Variants in NALF1 observed in about 807,000 individuals in gnomAD.
NALF1 encodes NALCN channel auxiliary factor 1, also known as family with sequence similarity 155 member A.
A neutral mutation model predicts 48.4 loss-of-function variants in NALF1; 3 were observed. That is an observed-to-expected ratio of 0.06 (90% CI 0.03 to 0.16). The LOEUF is 0.16. Among genes scored for constraint, NALF1 ranks in the 10% least tolerant of loss-of-function variants. The probability of loss-of-function intolerance (pLI) is 1.00; values close to 1 mark genes in which losing one functional copy is unlikely to be tolerated. For synonymous variants in NALF1, 262 were observed against 245.7 expected (o/e 1.07, Z -0.62); for missense variants, 526 against 571.5 (o/e 0.92, Z 0.81).
chr13:107,770,595 C>T (rs2138569651), intron 1 of NALF1, among the ~76,000 whole-genome samples: 1 of 152,274 alleles, frequency 6.6e-6, no homozygotes, highest in African/African-American at 2.4e-5. Flanking sequence ...GTAATATGAA[C>T]TTTCTTATCC....
chr13:107,444,439 AC>A (rs1236845198), intron 1 of NALF1, among the ~76,000 whole-genome samples: 3 of 152,160 alleles, frequency 2.0e-5, no homozygotes, highest in Non-Finnish European at 4.4e-5. Context: ...GCAACTATGA[AC>A]TCAGCAAACC....
intron 1 of NALF1, among the ~76,000 whole-genome samples, chr13:107,676,277 CTT>C (rs1236737289): frequency 6.6e-6 from 1 of 152,180 alleles, no homozygotes; most frequent in Non-Finnish European, 1.5e-5. Context: ...GTCATATAGA[CTT>C]AGGTCCGGTG....
chr13:107,762,559 G>A (rs938143793), intron 1 of NALF1, among the ~76,000 whole-genome samples: 1 of 152,178 alleles, frequency 6.6e-6, no homozygotes, highest in Non-Finnish European at 1.5e-5. Flanking sequence ...AAGACATTGT[G>A]TATGGAGGTA....
At chr13:107,846,994 G>A (rs1306261263) in intron 1 of NALF1, among the ~76,000 whole-genome samples, 1 of 151,700 alleles carries the variant, frequency 6.6e-6, no homozygotes, top group East Asian at 1.9e-4. Flanking sequence ...GACTTCTAAA[G>A]CAATTATATA....
chr13:107,485,521 A>G (rs1024876146), intron 1 of NALF1, among the ~76,000 whole-genome samples: 1 of 152,114 alleles, frequency 6.6e-6, no homozygotes, highest in African/African-American at 2.4e-5. Flanking sequence ...TCCATTCCCC[A>G]CATCTCATTT....
At chr13:107,695,693 C>T (rs1394045826) in intron 1 of NALF1, among the ~76,000 whole-genome samples, 2 of 152,136 alleles carry the variant, frequency 1.3e-5, no homozygotes, top group Non-Finnish European at 2.9e-5. Flanking sequence ...TGAGAACTCT[C>T]TCTATTATAG....
intron 1 of NALF1, among the ~76,000 whole-genome samples, chr13:107,705,582 C>T (rs1350916329): frequency 1.3e-5 from 2 of 151,728 alleles, no homozygotes; most frequent in Non-Finnish European, 2.9e-5. Flanking sequence ...AAATAGAAAA[C>T]AATACCGATT....
At chr13:107,600,235 T>A (rs998753160) in intron 1 of NALF1, among the ~76,000 whole-genome samples, 2 of 152,196 alleles carry the variant, frequency 1.3e-5, no homozygotes, top group African/African-American at 4.8e-5. Flanking sequence ...TTCATTACGT[T>A]TATCTAGGTA....
intron 1 of NALF1, among the ~76,000 whole-genome samples, chr13:107,485,264 T>C (rs1344883185): frequency 6.6e-6 from 1 of 152,142 alleles, no homozygotes; most frequent in Non-Finnish European, 1.5e-5. Context: ...TTAGACTCTT[T>C]GGTGTCACTC....
chr13:107,349,373 T>C (rs953348423), intron 1 of NALF1, among the ~76,000 whole-genome samples: 1 of 152,034 alleles, frequency 6.6e-6, no homozygotes, highest in Non-Finnish European at 1.5e-5. Context: ...CATCAAAGGG[T>C]CCTCAGTTCC....
At chr13:107,796,047 A>G (rs1878415687) in intron 1 of NALF1, among the ~76,000 whole-genome samples, 1 of 152,196 alleles carries the variant, frequency 6.6e-6, no homozygotes, top group Non-Finnish European at 1.5e-5. Flanking sequence ...ACGATTTTTT[A>G]AAGAAATCAA....
At chr13:107,467,128 T>C (rs1263254273) in intron 1 of NALF1, among the ~76,000 whole-genome samples, 2 of 152,204 alleles carry the variant, frequency 1.3e-5, no homozygotes, top group African/African-American at 4.8e-5. Context: ...TTCAACATAT[T>C]CTTGAAATGT....
intron 1 of NALF1, among the ~76,000 whole-genome samples, chr13:107,469,422 T>C (rs1182197835): frequency 1.3e-5 from 2 of 152,152 alleles, no homozygotes; most frequent in East Asian, 3.9e-4. Context: ...GTGTCCACCA[T>C]GTGGTTGTAA....
At chr13:107,671,032 T>A (rs1880978578) in intron 1 of NALF1, among the ~76,000 whole-genome samples, 2 of 152,156 alleles carry the variant, frequency 1.3e-5, no homozygotes, top group South Asian at 4.1e-4. Flanking sequence ...CTCTCAGATG[T>A]GCAACTTCCT....
At chr13:107,694,197 A>AT (rs1240348365) in intron 1 of NALF1, among the ~76,000 whole-genome samples, 2 of 152,238 alleles carry the variant, frequency 1.3e-5, no homozygotes, top group African/African-American at 4.8e-5. Flanking sequence ...ACGCCGTTTC[A>AT]AATCCTACTC....
chr13:107,832,069 C>A (rs1879750078), intron 1 of NALF1, among the ~76,000 whole-genome samples: 1 of 152,082 alleles, frequency 6.6e-6, no homozygotes, highest in African/African-American at 2.4e-5. Flanking sequence ...TTGTGATTAT[C>A]TTTTAAACTA....
chr13:107,633,102 T>C (rs531914318), intron 1 of NALF1, among the ~76,000 whole-genome samples: 11 of 152,102 alleles, frequency 7.2e-5, no homozygotes, highest in Non-Finnish European at 1.3e-4. Context: ...GAAACAGTCT[T>C]TGTTTATAAG....
At chr13:107,841,564 T>C (rs563163294) in intron 1 of NALF1, among the ~76,000 whole-genome samples, 1 of 152,240 alleles carries the variant, frequency 6.6e-6, no homozygotes, top group South Asian at 2.1e-4. Context: ...GTCTAGGTTC[T>C]TCCCAGAGAT....
chr13:107,807,743 AT>A (rs1274689338), intron 1 of NALF1, among the ~76,000 whole-genome samples: 1 of 152,144 alleles, frequency 6.6e-6, no homozygotes, highest in Non-Finnish European at 1.5e-5. Context: ...CATTTAGTTT[AT>A]TTATCAAAGG....
Sources: gnomAD v4.1 joint callset for allele counts (sites outside exome capture counted in the v4.1 genomes callset) on GRCh38, gnomAD v4.1.1 for gene constraint, MANE v1.5 for transcripts, NCBI Gene and HGNC (gene_info 2026-07-23, HGNC 2026-07-21) for gene names.